TEC: variants seen among roughly 807,000 people sequenced by gnomAD.
The protein encoded by TEC is tyrosine-protein kinase Tec.
TEC carries 72 observed loss-of-function variants against 93.0 expected under a neutral mutation model. The observed-to-expected ratio is 0.77, with a 90% CI of 0.64 to 0.94. The LOEUF (loss-of-function observed/expected upper bound fraction) is 0.94. Ranked by LOEUF, TEC falls within the 40% of genes least tolerant of loss-of-function variation. The pLI is 0.00. For missense variants in TEC, 630 were observed against 757.9 expected, an observed-to-expected ratio of 0.83 and a Z score of 1.98; for synonymous variants, 249 against 247.7, an observed-to-expected ratio of 1.01 and a Z score of -0.05.
chr4:48,224,698 G>C (rs1281430364), intron 2 of TEC, among the ~76,000 whole-genome samples: 2 of 152,228 alleles, frequency 1.3e-5, no homozygotes, highest in Non-Finnish European at 2.9e-5. Flanking sequence ...AAACTGAAAT[G>C]CAAGTTTTGC....
intron 1 of TEC, among the ~76,000 whole-genome samples, chr4:48,267,984 G>A (rs1724683819): frequency 1.3e-5 from 2 of 152,216 alleles, no homozygotes; most frequent in African/African-American, 4.8e-5. Flanking sequence ...AGGCAGAGAG[G>A]CCAGTAATTC....
At chr4:48,222,274 AGAG>A (rs1195317459) in intron 2 of TEC, among the ~76,000 whole-genome samples, 3 of 152,300 alleles carry the variant, frequency 2.0e-5, no homozygotes, top group Non-Finnish European at 2.9e-5. Context: ...AAGAGGAGGA[AGAG>A]GAGAAGAAGA....
chr4:48,267,859 A>G (rs568283075), intron 1 of TEC, among the ~76,000 whole-genome samples: 1 of 152,350 alleles, frequency 6.6e-6, no homozygotes, highest in South Asian at 2.1e-4. Context: ...AAGGAGCTGG[A>G]ACAGCTGGGG....
intron 1 of TEC, among the ~76,000 whole-genome samples, chr4:48,237,204 C>T (rs1338358848): frequency 6.6e-6 from 1 of 151,816 alleles, no homozygotes; most frequent in Non-Finnish European, 1.5e-5. Flanking sequence ...CCTATAGTCC[C>T]AGCTACTTGG....
intron 8 of TEC, among the ~76,000 whole-genome samples, chr4:48,159,554 ATTT>A (rs1167143169): frequency 7.7e-6 from 1 of 129,928 alleles, no homozygotes; most frequent in African/African-American, 3.0e-5. Context: ...CACCACGCTA[ATTT>A]TTTTTTTTTT....
At chr4:48,150,039 C>T (rs1720094464) in intron 10 of TEC, among the ~76,000 whole-genome samples, 1 of 152,168 alleles carries the variant, frequency 6.6e-6, no homozygotes, top group Non-Finnish European at 1.5e-5. Context: ...CTTAAATCAC[C>T]AATAGTGAAT....
chr4:48,156,621 T>C (rs992982897), intron 9 of TEC, 59 bp downstream of exon 9: 13 of 1,461,860 alleles, frequency 8.9e-6, no homozygotes, highest in East Asian at 2.3e-5. Flanking sequence ...GAACTACTTA[T>C]TATGGACTCA....
chr4:48,213,134 T>C (rs1722967670), intron 2 of TEC, among the ~76,000 whole-genome samples: 1 of 152,236 alleles, frequency 6.6e-6, no homozygotes, highest in African/African-American at 2.4e-5. Flanking sequence ...GCAATGCCTA[T>C]GTGATTGCTT....
chr4:48,231,623 G>A (rs1404122094), intron 1 of TEC, among the ~76,000 whole-genome samples: 5 of 152,154 alleles, frequency 3.3e-5, no homozygotes, highest in Non-Finnish European at 7.3e-5. Context: ...CAGGCGTGGT[G>A]GCGGGGGCCT....
intron 2 of TEC, among the ~76,000 whole-genome samples, chr4:48,205,447 C>A (rs1437244783): frequency 1.3e-5 from 2 of 152,210 alleles, no homozygotes; most frequent in African/African-American, 2.4e-5. Flanking sequence ...TGCTGAAAAT[C>A]AGGGCTTCTT....
chr4:48,170,347 T>G lies in TEC; in HGVS notation c.355A>C (p.Lys119Gln). The G allele has an allele frequency of 2.1e-6, 3 of 1,455,302 alleles. No individual in the cohort carries two copies. The highest frequency in any genetic ancestry group is 2.9e-6 in the Non-Finnish European group (3 of 1,040,692). The allele number at this position is 1,455,302 out of a possible 1,614,324, so 90.1% of individuals were successfully genotyped here. A position where few individuals can be genotyped will look rare whatever the true frequency, so the allele number is the denominator to read the frequency against. Residue 119 changes from lysine (K) to glutamine (Q), a missense_variant, in exon 5 of 18, where the codon AAA becomes CAA. By Grantham distance (53) the Lys-to-Gln change is moderately conservative. Coordinates refer to ENST00000381501, the MANE Select transcript of TEC (RefSeq NM_003215.3). ...TCTGTCCAGAATTTAGGATGATATT[T>G]AATCATAATATTATTGTTGTTCTTT... Reference protein sequence around the residue: ...EIKNNNNIMIKYHPKFWTDGS... With the variant: ...EIKNNNNIMIQYHPKFWTDGS...
At chr4:48,199,918 G>A (rs1392677821) in intron 2 of TEC, among the ~76,000 whole-genome samples, 11 of 152,184 alleles carry the variant, frequency 7.2e-5, no homozygotes, top group Non-Finnish European at 1.0e-4. Flanking sequence ...ACAACCCTCT[G>A]AAGGAGGATG....
chr4:48,191,579 G>C (rs995002522), intron 2 of TEC, among the ~76,000 whole-genome samples: 1 of 152,094 alleles, frequency 6.6e-6, no homozygotes, highest in African/African-American at 2.4e-5. Context: ...AGGGAAATAG[G>C]ATAATAGCAG....
In TEC at chr4:48,137,378, T is replaced by C. The variant is rs377318083; in HGVS notation, c.*38A>G. ...AAGCCACAAAATGCCCATCCTTCCT[T>C]GTGCTTGGGAATCTGGGAGCCACTG... is the stretch of plus-strand genomic sequence containing the variant. On this transcript the variant is annotated 3_prime_UTR_variant, in exon 18 of 18. Transcript: ENST00000381501. 3 of 1,553,420 alleles carry C rather than the reference T, an allele frequency of 1.9e-6. No individual in the cohort carries two copies. In the African/African-American group the frequency reaches 4.1e-5, roughly 21 times the overall value.
At chr4:48,230,100 AAT>A (rs1723603539) in intron 1 of TEC, among the ~76,000 whole-genome samples, 4 of 117,742 alleles carry the variant, frequency 3.4e-5, no homozygotes, top group South Asian at 3.2e-4. Context: ...TAATAATAAT[AAT>A]AAATAAATAA....
intron 1 of TEC, among the ~76,000 whole-genome samples, chr4:48,233,340 C>CTT (rs34862159): frequency 8.6e-4 from 119 of 138,346 alleles, no homozygotes; most frequent in East Asian, 3.2e-3. Flanking sequence ...CCAATTGACA[C>CTT]TTTTTTTTTT....
chr4:48,200,281 G>A (rs1722457691), intron 2 of TEC, among the ~76,000 whole-genome samples: 2 of 151,774 alleles, frequency 1.3e-5, no homozygotes. Context: ...GGGCTGGGGG[G>A]TGGGGAGTGA....
intron 2 of TEC, among the ~76,000 whole-genome samples, chr4:48,225,229 G>A (rs1484051318): frequency 2.0e-5 from 3 of 151,904 alleles, no homozygotes; most frequent in African/African-American, 4.8e-5. Context: ...AGGCTGGAGT[G>A]CGTGGTACAA....
At chr4:48,186,780 C>G (rs1243069527) in intron 2 of TEC, among the ~76,000 whole-genome samples, 1 of 151,084 alleles carries the variant, frequency 6.6e-6, no homozygotes. Flanking sequence ...GGTCAGCCCC[C>G]GCCCTGCCAG....
Sources: allele counts gnomAD v4.1 joint callset (sites outside exome capture counted in the v4.1 genomes callset), GRCh38; gene constraint gnomAD v4.1.1; transcripts MANE v1.5; gene names NCBI Gene and HGNC (gene_info 2026-07-23, HGNC 2026-07-21).